Variants in EVI5 observed in about 807,000 individuals in gnomAD.
EVI5 encodes ecotropic viral integration site 5.
Under a neutral mutation model 112.0 loss-of-function variants are expected in EVI5, and 73 were observed. That is an observed-to-expected ratio of 0.65 (90% CI 0.54 to 0.79). The LOEUF is 0.79. EVI5 is among the 30% of genes least tolerant of loss of function. EVI5 has a pLI of 0.00. For missense variants in EVI5, 900 were observed against 968.8 expected (o/e 0.93, Z 0.94); for synonymous variants, 305 against 319.9 (o/e 0.95, Z 0.50).
At position 92,510,610 on chromosome 1, in the gene EVI5, G is replaced by T. The variant is rs1243740837; in HGVS notation, c.*3046C>A. The T allele has an allele frequency of 6.6e-6, 1 of 152,150 alleles. No individual in the cohort carries two copies. Among genetic ancestry groups the T allele is most frequent in the Non-Finnish European group, 1.5e-5 (1 of 68,022 alleles). 9.4% of individuals were successfully genotyped at this position (152,150 alleles called of 1,614,324 possible). On this transcript the variant is annotated 3_prime_UTR_variant, in exon 20 of 20. Transcript: ENST00000684568. Reference sequence around the variant, plus strand: ...AGGGTTAGCAAACTTTTTCTGTAAAGGATCAGATAAATATTTTAGGCTACC... The same window carrying T: ...AGGGTTAGCAAACTTTTTCTGTAAATGATCAGATAAATATTTTAGGCTACC...
chr1:92,681,849 T>C (rs531828510), intron 9 of EVI5, among the ~76,000 whole-genome samples: 147 of 152,306 alleles, frequency 9.7e-4, no homozygotes, highest in African/African-American at 3.3e-3. Context: ...GACTAGATAG[T>C]CACATATGGG....
chr1:92,788,102 T>G (rs2103148871), upstream of EVI5, among the ~76,000 whole-genome samples: 1 of 152,188 alleles, frequency 6.6e-6, no homozygotes, highest in African/African-American at 2.4e-5. Flanking sequence ...GGGATGTGAG[T>G]TACATAGGTA....
At chr1:92,759,691 T>A (rs1373881985) in intron 1 of EVI5, among the ~76,000 whole-genome samples, 1 of 152,178 alleles carries the variant, frequency 6.6e-6, no homozygotes, top group Admixed American at 6.5e-5. Flanking sequence ...ATATATATCA[T>A]ATAGGTGGGA....
At chr1:92,648,137 G>T (rs1572097273) in intron 13 of EVI5, among the ~76,000 whole-genome samples, 1 of 142,532 alleles carries the variant, frequency 7.0e-6, no homozygotes, top group Non-Finnish European at 1.5e-5. Flanking sequence ...ACAAGGTCAG[G>T]AGATCGAGAC....
intron 18 of EVI5, among the ~76,000 whole-genome samples, chr1:92,601,473 T>A (rs1010089567): frequency 1.3e-5 from 2 of 152,196 alleles, no homozygotes; most frequent in Non-Finnish European, 2.9e-5. Flanking sequence ...CATCAGTAGA[T>A]GAATGAATAA....
chr1:92,779,699 C>T (rs1684617060), intron 1 of EVI5, among the ~76,000 whole-genome samples: 3 of 152,004 alleles, frequency 2.0e-5, no homozygotes, highest in African/African-American at 7.2e-5. Flanking sequence ...CTCTCTGAGC[C>T]TATTCTGGCT....
chr1:92,695,589 GA>G, intron 6 of EVI5, 136 bp from the exon 7 acceptor site: 1 of 483,342 alleles, frequency 2.1e-6, no homozygotes, highest in Middle Eastern at 5.4e-4. Context: ...CATAGACATT[GA>G]AACATCTGGG....
intron 19 of EVI5, among the ~76,000 whole-genome samples, chr1:92,525,476 C>T (rs573809529): frequency 6.6e-6 from 1 of 152,006 alleles, no homozygotes; most frequent in Admixed American, 6.6e-5. Flanking sequence ...GCCATATTGG[C>T]TAGGCTGGCC....
rs78357400 is a variant in EVI5, at chr1:92,638,253, G to C, written c.1393-1917C>G. 6.9e-3 allele frequency among the ~76,000 whole-genome samples: 1,044 copies of C among 152,190 alleles called. 18 individuals are homozygous for C. The highest frequency in any genetic ancestry group is 0.024 in the African/African-American group (997 of 41,524). On this transcript the variant is annotated intron_variant, in intron 13 of 19. Transcript: ENST00000684568. The stretch of plus-strand genomic sequence containing the variant: ...GTACAAAAAGCTATAGTAATGTTGG[G>C]CACAAATCTTTATTAATAAAATTTA...
At chr1:92,760,278 C>T (rs1206802027) in intron 1 of EVI5, among the ~76,000 whole-genome samples, 5 of 152,156 alleles carry the variant, frequency 3.3e-5, no homozygotes, top group African/African-American at 4.8e-5. Flanking sequence ...GAGATCATTA[C>T]TGAGGTCAGG....
At chr1:92,566,808 T>C (rs1669560844) in intron 18 of EVI5, among the ~76,000 whole-genome samples, 1 of 136,334 alleles carries the variant, frequency 7.3e-6, no homozygotes, top group Non-Finnish European at 1.5e-5. Flanking sequence ...GCCTGCTTTT[T>C]TTTTTTTTTT....
intron 1 of EVI5, among the ~76,000 whole-genome samples, chr1:92,780,429 G>A (rs1684713996): frequency 7.8e-6 from 1 of 128,008 alleles, no homozygotes; most frequent in Non-Finnish European, 1.7e-5. Flanking sequence ...ATGAAAAGCA[G>A]CCCCTGCCCA....
At chr1:92,612,819 G>C (rs1417751330) in intron 16 of EVI5, among the ~76,000 whole-genome samples, 2 of 151,264 alleles carry the variant, frequency 1.3e-5, no homozygotes, top group African/African-American at 4.9e-5. Context: ...ACCTGAGGCA[G>C]ATACGGCCAC....
intron 19 of EVI5, among the ~76,000 whole-genome samples, chr1:92,545,722 T>C (rs1227137859): frequency 6.6e-6 from 1 of 152,162 alleles, no homozygotes; most frequent in Non-Finnish European, 1.5e-5. Flanking sequence ...TCTATGAATG[T>C]TATTTTCGGT....
At chr1:92,514,037 A>T in intron 19 of EVI5, 67 bp from the exon 20 acceptor site, 1 of 970,122 alleles carries the variant, frequency 1.0e-6, no homozygotes, top group South Asian at 2.0e-5. Flanking sequence ...AAAAGCAAAC[A>T]TTCCATGTTT....
rs1355561428 is a variant in EVI5, at chr1:92,675,942, C to A, written c.1158+1216G>T. ...CTGCACTCCAGCCTGGGCGATACAGCGAGACTTCGTCTCAAAAAAAAAAAA... is the reference window on the plus strand; with the variant it reads ...CTGCACTCCAGCCTGGGCGATACAGAGAGACTTCGTCTCAAAAAAAAAAAA... On this transcript the variant is annotated intron_variant, in intron 10 of 19. Transcript: ENST00000684568. Among the ~76,000 whole-genome samples the A allele has an allele frequency of 2.3e-5, 3 of 132,186 alleles. No homozygotes were observed. The Admixed American group carries it at 2.7e-4, about 12-fold the overall frequency. The allele number at this position is 132,186 out of a possible 152,430, so 86.7% of individuals were successfully genotyped here.
At chr1:92,550,742 G>A (rs1052213834) in intron 19 of EVI5, among the ~76,000 whole-genome samples, 6 of 27,414 alleles carry the variant, frequency 2.2e-4, no homozygotes, top group East Asian at 3.0e-3. Context: ...GCGAGACTCC[G>A]TCTCAAAAAA....
At chr1:92,588,624 T>A (rs1673190910) in intron 18 of EVI5, among the ~76,000 whole-genome samples, 1 of 152,358 alleles carries the variant, frequency 6.6e-6, no homozygotes, top group East Asian at 1.9e-4. Flanking sequence ...ATTTTTTTCA[T>A]CTAACTTCTC....
chr1:92,665,023 G>A (rs1226504087), intron 11 of EVI5, among the ~76,000 whole-genome samples: 1 of 152,096 alleles, frequency 6.6e-6, no homozygotes, highest in African/African-American at 2.4e-5. Flanking sequence ...TGGCCAACAT[G>A]GTGAAACCCT....
Sources: gnomAD v4.1 joint callset for allele counts (sites outside exome capture counted in the v4.1 genomes callset) on GRCh38, gnomAD v4.1.1 for gene constraint, MANE v1.5 for transcripts, NCBI Gene and HGNC (gene_info 2026-07-23, HGNC 2026-07-21) for gene names.